Variants in TBX15 observed in about 807,000 individuals in gnomAD.
TBX15 encodes T-box transcription factor TBX15.
A neutral mutation model predicts 53.9 loss-of-function variants in TBX15; 18 were observed. The observed-to-expected ratio is 0.33, with a 90% CI of 0.23 to 0.49. The LOEUF (loss-of-function observed/expected upper bound fraction) is 0.49. TBX15 is among the 20% of genes least tolerant of loss of function. TBX15 has a pLI of 0.98. For synonymous variants in TBX15, 295 were observed against 278.0 expected, an observed-to-expected ratio of 1.06 and a Z score of -0.61; for missense variants, 692 against 749.5, an observed-to-expected ratio of 0.92 and a Z score of 0.90.
chr1:118,912,565 C>T (rs927206246), intron 6 of TBX15, among the ~76,000 whole-genome samples: 4 of 152,022 alleles, frequency 2.6e-5, no homozygotes, highest in Non-Finnish European at 5.9e-5. Flanking sequence ...AGGCTAGCTT[C>T]ATTTTTGATC....
intron 1 of TBX15, among the ~76,000 whole-genome samples, chr1:118,978,122 T>C (rs1657499446): frequency 6.6e-6 from 1 of 152,242 alleles, no homozygotes; most frequent in Admixed American, 6.5e-5. Flanking sequence ...CAACAATAGG[T>C]TACATCATAC....
intron 1 of TBX15, among the ~76,000 whole-genome samples, chr1:118,951,791 G>A (rs778630967): frequency 6.6e-6 from 1 of 152,162 alleles, no homozygotes; most frequent in Non-Finnish European, 1.5e-5. Flanking sequence ...CCCTATCTGG[G>A]CCTCACTGCT....
In TBX15 at chr1:118,935,648, C is replaced by CA. The variant is rs974773192; in HGVS notation, c.206-3817dup. 6.6e-5 allele frequency among the ~76,000 whole-genome samples: 10 copies of CA among 152,120 alleles called. No homozygotes were observed. In the South Asian group the frequency reaches 1.0e-3, roughly 16 times the overall value. The stretch of plus-strand genomic sequence containing the variant: ...AGCAACATATCTATTCTCATCCCCC[C>CA]AAAAAAATCCTTTAAAAAGATATTT... On this transcript the variant is annotated intron_variant, in intron 1 of 7. Transcript: ENST00000369429.
At position 118,964,611 on chromosome 1, in the gene TBX15, C is replaced by T. The variant is rs754627274; in HGVS notation, c.205+22980G>A. 1.6e-4 allele frequency among the ~76,000 whole-genome samples: 25 copies of T among 152,202 alleles called. No homozygotes were observed. In the East Asian group the frequency reaches 3.3e-3, roughly 20 times the overall value. On this transcript the variant is annotated intron_variant, in intron 1 of 7. Transcript: ENST00000369429. Reference sequence around the variant, plus strand: ...TAAAGTTTTTAGGGCAGGGACTATTCCTTACTCATCTACATATTGTAAGTG... The same window carrying T: ...TAAAGTTTTTAGGGCAGGGACTATTTCTTACTCATCTACATATTGTAAGTG...
Position 118,975,799 on chromosome 1 carries a change from C to A in TBX15, c.205+11792G>T, listed in dbSNP as rs1050214788. 2.6e-5 allele frequency among the ~76,000 whole-genome samples: 4 copies of A among 152,194 alleles called. No individual in the cohort carries two copies. The East Asian group carries it at 7.7e-4, about 29-fold the overall frequency. On this transcript the variant is annotated intron_variant, in intron 1 of 7. Coordinates refer to ENST00000369429, the MANE Select transcript of TBX15 (RefSeq NM_001330677.2). Reference sequence around the variant, plus strand: ...TAGAGTTGTGGACACTGAGCAAAGACAATGCTTGGAAAATTGGAGAAGTAT... The same window carrying A: ...TAGAGTTGTGGACACTGAGCAAAGAAAATGCTTGGAAAATTGGAGAAGTAT...
intron 6 of TBX15, among the ~76,000 whole-genome samples, chr1:118,905,584 T>C (rs1654790025): frequency 6.6e-6 from 1 of 152,154 alleles, no homozygotes; most frequent in Non-Finnish European, 1.5e-5. Flanking sequence ...TACCTTGAAT[T>C]GTAGATGCAG....
intron 7 of TBX15, among the ~76,000 whole-genome samples, chr1:118,893,298 G>A: frequency 7.5e-6 from 1 of 133,150 alleles, no homozygotes; most frequent in African/African-American, 3.1e-5. Context: ...AGGAAGGAAG[G>A]AAGGAAGGAA....
chr1:118,909,097 T>G lies in TBX15; in HGVS notation c.926+5018A>C, dbSNP rs551387406. 2.0e-5 allele frequency among the ~76,000 whole-genome samples: 3 copies of G among 152,332 alleles called. No individual in the cohort carries two copies. In the South Asian group the frequency reaches 6.2e-4, roughly 32 times the overall value. ...AGAAGCAGGGAGAACTACAATAGGC[T>G]CTAATGATGGTGGCACCACAGGACT... On this transcript the variant is annotated intron_variant, in intron 6 of 7. Coordinates refer to ENST00000369429, the MANE Select transcript of TBX15 (RefSeq NM_001330677.2).
At chr1:118,961,319 T>C (rs1656864676) in intron 1 of TBX15, among the ~76,000 whole-genome samples, 2 of 152,244 alleles carry the variant, frequency 1.3e-5, no homozygotes, top group South Asian at 4.1e-4. Context: ...ACCATATTTG[T>C]TGAATAAGTG....
chr1:118,906,177 T>C (rs925627625), intron 6 of TBX15, among the ~76,000 whole-genome samples: 1 of 152,244 alleles, frequency 6.6e-6, no homozygotes. Flanking sequence ...TATATGAGGT[T>C]AAACTGTATG....
chr1:118,970,723 T>G (rs1280108737), intron 1 of TBX15, among the ~76,000 whole-genome samples: 1 of 152,178 alleles, frequency 6.6e-6, no homozygotes, highest in Non-Finnish European at 1.5e-5. Flanking sequence ...TTTTAATGCA[T>G]TCTCACAGAG....
intron 7 of TBX15, among the ~76,000 whole-genome samples, chr1:118,893,805 TC>T (rs1654301995): frequency 6.6e-6 from 1 of 152,190 alleles, no homozygotes; most frequent in Admixed American, 6.5e-5. Flanking sequence ...TTGACATTAG[TC>T]CCTATGATAC....
At chr1:118,910,463 C>T (rs1319945248) in intron 6 of TBX15, among the ~76,000 whole-genome samples, 6 of 151,994 alleles carry the variant, frequency 3.9e-5, no homozygotes, top group Non-Finnish European at 2.9e-5. Context: ...AGATGAGGTG[C>T]TTGATGGAAG....
intron 7 of TBX15, among the ~76,000 whole-genome samples, chr1:118,896,692 G>A (rs17022701): frequency 0.047 from 7,131 of 152,166 alleles, 555 homozygotes; most frequent in African/African-American, 0.16. Flanking sequence ...TCCACTAGAA[G>A]CTCATTCCTC....
Position 118,924,811 on chromosome 1 carries a change from C to T in TBX15, c.528G>A (p.Val176=), listed in dbSNP as rs764651852. The T allele has an allele frequency of 5.0e-6, 8 of 1,613,776 alleles. No individual in the cohort carries two copies. The South Asian group carries it at 8.8e-5, about 18-fold the overall frequency. ...VPVDNKRYRY[V]YHSSKWMVAG... is the part of the protein sequence containing the mutation. ...CCACCATCCACTTGGAGCTATGATA[C>T]ACATATCTGAGATAAAGAGGAAGAG... The change falls in exon 4 of 8, where the codon GTG becomes GTA. Residue 176 remains valine, a synonymous_variant. Transcript: ENST00000369429.
At chr1:118,973,009 G>C (rs2101704689) in intron 1 of TBX15, among the ~76,000 whole-genome samples, 1 of 152,234 alleles carries the variant, frequency 6.6e-6, no homozygotes, top group Non-Finnish European at 1.5e-5. Flanking sequence ...CCCTAATTTT[G>C]CACCAAATAT....
chr1:118,905,593 A>C (rs892488357), intron 6 of TBX15, among the ~76,000 whole-genome samples: 6 of 152,250 alleles, frequency 3.9e-5, no homozygotes, highest in African/African-American at 1.4e-4. Flanking sequence ...TTGTAGATGC[A>C]GTAGTGCCTG....
At chr1:118,985,862 C>A (rs1657814034) in intron 1 of TBX15, among the ~76,000 whole-genome samples, 1 of 152,166 alleles carries the variant, frequency 6.6e-6, no homozygotes, top group South Asian at 2.1e-4. Context: ...GGAATGGTTT[C>A]TTTTTGCCTC....
At chr1:118,921,917 G>C (rs1339415053) in intron 5 of TBX15, among the ~76,000 whole-genome samples, 2 of 152,152 alleles carry the variant, frequency 1.3e-5, no homozygotes, top group African/African-American at 4.8e-5. Context: ...GGTGAAAATA[G>C]CTCACAAAAG....
Sources: gnomAD v4.1 joint callset for allele counts (sites outside exome capture counted in the v4.1 genomes callset) on GRCh38, gnomAD v4.1.1 for gene constraint, MANE v1.5 for transcripts, NCBI Gene and HGNC (gene_info 2026-07-23, HGNC 2026-07-21) for gene names.